The following TBATA variants were observed in gnomAD, a reference collection of about 807,000 sequenced individuals.
TBATA encodes protein TBATA.
Under a neutral mutation model 38.7 loss-of-function variants are expected in TBATA, and 47 were observed. The ratio of observed to expected loss-of-function variants is 1.21; its 90% CI spans 0.96 to 1.55. The LOEUF is 1.55. Among genes scored for constraint, TBATA ranks in the 40% most tolerant of loss-of-function variants. TBATA has a pLI of 0.00. For missense variants in TBATA, 436 were observed against 435.6 expected, an observed-to-expected ratio of 1.00 and a Z score of -0.01; for synonymous variants, 183 against 170.5, an observed-to-expected ratio of 1.07 and a Z score of -0.57.
chr10:70,778,655 G>C lies in TBATA; in HGVS notation c.428-19C>G. The C allele has an allele frequency of 6.2e-7, 1 of 1,613,240 alleles. No homozygotes were observed. The highest frequency in any genetic ancestry group is 8.5e-7 in the Non-Finnish European group (1 of 1,179,276). On this transcript the variant is annotated intron_variant, in intron 5 of 10. Transcript: ENST00000456372. ...CAGGCTTCTGGGAGGAGGGGACAAG[G>C]TCCTGCCAACTGAAGTCAGGGGCCC...
At chr10:70,777,403 G>A in intron 6 of TBATA, 65 bp from the exon 7 acceptor site, 5 of 1,488,888 alleles carry the variant, frequency 3.4e-6, no homozygotes, top group South Asian at 2.4e-5. Context: ...GCTGAGGGGA[G>A]GAGAGGAGCA....
intron 4 of TBATA, 56 bp downstream of exon 4, chr10:70,781,745 C>A: frequency 6.6e-7 from 1 of 1,511,814 alleles, no homozygotes; most frequent in Non-Finnish European, 9.2e-7. Context: ...CTTCCCAGTT[C>A]TCAAGACCAA....
intron 7 of TBATA, 77 bp from the exon 8 acceptor site, chr10:70,775,347 C>A: frequency 2.3e-6 from 3 of 1,285,590 alleles, no homozygotes; most frequent in South Asian, 2.4e-5. Flanking sequence ...TGGAGGGCAC[C>A]AAGGAGACCC....
intron 8 of TBATA, 100 bp from the exon 9 acceptor site, chr10:70,774,457 T>A: frequency 8.5e-7 from 1 of 1,174,644 alleles, no homozygotes. Context: ...CAGCTTTCTC[T>A]AAGCATCCCA....
chr10:70,775,079 G>GC (rs1843214313), intron 8 of TBATA, 110 bp downstream of exon 8: 2 of 998,680 alleles, frequency 2.0e-6, no homozygotes, highest in Non-Finnish European at 1.5e-6. Flanking sequence ...TCCATGGAAG[G>GC]CCCCCTCCAG....
chr10:70,778,679 C>T (rs1325316090), intron 5 of TBATA, 43 bp from the exon 6 acceptor site: 6 of 1,553,270 alleles, frequency 3.9e-6, no homozygotes, highest in African/African-American at 1.4e-5. Flanking sequence ...AGTCAGGGGC[C>T]CTCCTCCCCT....
At chr10:70,777,067 T>C (rs1843495364) in intron 7 of TBATA, 86 bp downstream of exon 7, 1 of 1,419,416 alleles carries the variant, frequency 7.0e-7, no homozygotes, top group African/African-American at 1.4e-5. Flanking sequence ...GGCACCAGTA[T>C]CCCTGGGAGG....
intron 7 of TBATA, 26 bp from the exon 8 acceptor site, chr10:70,775,296 C>T (rs1196177833): frequency 1.3e-6 from 2 of 1,599,764 alleles, no homozygotes; most frequent in Non-Finnish European, 1.7e-6. Flanking sequence ...CAGCACATTC[C>T]AGCCAGGAGT....
intron 4 of TBATA, 148 bp from the exon 5 acceptor site, chr10:70,779,890 T>C (rs1275110071): frequency 4.7e-6 from 4 of 843,150 alleles, no homozygotes; most frequent in Admixed American, 3.9e-5. Flanking sequence ...TGGGAGGGCA[T>C]TGTAACCACC....
At chr10:70,782,710 A>G in intron 3 of TBATA, 1 of 908,908 alleles carries the variant, frequency 1.1e-6, no homozygotes, top group Non-Finnish European at 1.3e-6. Context: ...TCTACCCCAC[A>G]CCCCTCCCCT....
chr10:70,780,184 CCA>C (rs1205501753), intron 4 of TBATA, among the ~76,000 whole-genome samples: 2 of 152,134 alleles, frequency 1.3e-5, no homozygotes, highest in Non-Finnish European at 2.9e-5. Context: ...AGAGATTGAG[CCA>C]CACCCTCTGC....
chr10:70,775,980 C>T (rs1843340289), intron 7 of TBATA, among the ~76,000 whole-genome samples: 1 of 152,218 alleles, frequency 6.6e-6, no homozygotes. Flanking sequence ...GGAAAAGATC[C>T]AGCTGTGTCT....
chr10:70,773,959 G>GT (rs1843056881), intron 9 of TBATA, among the ~76,000 whole-genome samples: 1 of 152,262 alleles, frequency 6.6e-6, no homozygotes, highest in Non-Finnish European at 1.5e-5. Context: ...GCCTTATCTG[G>GT]TTAAAATTGA....
At chr10:70,782,666 T>C in intron 3 of TBATA, 1 of 985,372 alleles carries the variant, frequency 1.0e-6, no homozygotes, top group Non-Finnish European at 1.2e-6. Context: ...CTGTTTTGCT[T>C]TGCTGGAGAC....
chr10:70,782,246 C>T (rs1324663101), intron 3 of TBATA: 5 of 1,429,798 alleles, frequency 3.5e-6, no homozygotes, highest in Non-Finnish European at 4.7e-6. Context: ...GGTTAGTCTT[C>T]CTTATCAGGG....
intron 9 of TBATA, 143 bp downstream of exon 9, chr10:70,774,070 G>T (rs1464741914): frequency 1.1e-5 from 12 of 1,141,984 alleles, no homozygotes; most frequent in Non-Finnish European, 1.3e-5. Context: ...AAGGTCCCTG[G>T]GGGAGGGGCT....
At position 70,777,264 on chromosome 10, in the gene TBATA, G is replaced by A. The variant is rs374889420; in HGVS notation, c.582C>T (p.Pro194=). The A allele has an allele frequency of 9.0e-5, 145 of 1,613,484 alleles. No individual in the cohort carries two copies. Among genetic ancestry groups the A allele is most frequent in the Non-Finnish European group, 1.1e-4 (135 of 1,179,952 alleles). ...KYSAETGRLI[P]ASTRAVGRRR... Reference sequence around the variant, plus strand: ...GGCGGCCGACAGCCCGGGTGGAAGCGGGGATGAGCCTCCCAGTCTCTGCTG... The same window carrying A: ...GGCGGCCGACAGCCCGGGTGGAAGCAGGGATGAGCCTCCCAGTCTCTGCTG... Residue 194 remains proline, a synonymous_variant, in exon 7 of 11, where the codon CCC becomes CCT. Transcript: ENST00000456372.
chr10:70,777,949 T>C lies in TBATA; in HGVS notation c.507+608A>G, dbSNP rs1222426977. 4.8e-5 allele frequency: 16 copies of C among 332,760 alleles called. No homozygotes were observed. In the Admixed American group the frequency reaches 6.4e-4, roughly 13 times the overall value. 20.6% of individuals were successfully genotyped at this position (332,760 alleles called of 1,614,324 possible). A position where few individuals can be genotyped will look rare whatever the true frequency, so the allele number is the denominator to read the frequency against. On this transcript the variant is annotated intron_variant, in intron 6 of 10. Transcript: ENST00000456372. Reference sequence around the variant, plus strand: ...GCAGTGAGTTAGTTGTGAGCAGGAATGAGAAGCCGGGCCTCTGCCTGTCCA... The same window carrying C: ...GCAGTGAGTTAGTTGTGAGCAGGAACGAGAAGCCGGGCCTCTGCCTGTCCA...
chr10:70,774,279 T>A lies in TBATA; in HGVS notation c.854A>T (p.Glu285Val). ...LPQPLVSIPT[E>V]KLLSQLPEVH... is the part of the protein sequence containing the mutation. The stretch of plus-strand genomic sequence containing the variant: ...TTCTGGAAGCTGGCTTAGGAGCTTT[T>A]CTGTAGGGATGGAGACTAGGGGCTG... The change falls in exon 9 of 11, where the codon GAA becomes GTA. Residue 285 changes from glutamate (E) to valine (V), a missense_variant. Glu to Val is a moderately radical substitution (Grantham distance 121). Transcript: ENST00000456372. 6 of 1,611,190 alleles carry A rather than the reference T, an allele frequency of 3.7e-6. No homozygotes were observed. The highest frequency in any genetic ancestry group is 1.1e-5 in the South Asian group (1 of 89,750).
Sources: gnomAD v4.1 joint callset for allele counts (sites outside exome capture counted in the v4.1 genomes callset) on GRCh38, gnomAD v4.1.1 for gene constraint, MANE v1.5 for transcripts, NCBI Gene and HGNC (gene_info 2026-07-23, HGNC 2026-07-21) for gene names.